Variants in TCEA3 observed in about 807,000 individuals in gnomAD.
TCEA3 encodes transcription elongation factor A3.
In TCEA3, 36 loss-of-function variants were observed where a neutral mutation model predicts 44.0. That is an observed-to-expected ratio of 0.82 (90% CI 0.63 to 1.08). TCEA3 has a LOEUF of 1.08. TCEA3 is among the 50% of genes least tolerant of loss of function. TCEA3 has a pLI of 0.00. For synonymous variants in TCEA3, 162 were observed against 159.7 expected (o/e 1.01, Z -0.11); for missense variants, 392 against 441.2 (o/e 0.89, Z 1.00).
At chr1:23,398,363 C>T (rs1046104745) in intron 5 of TCEA3, among the ~76,000 whole-genome samples, 1 of 152,218 alleles carries the variant, frequency 6.6e-6, no homozygotes, top group African/African-American at 2.4e-5. Flanking sequence ...GCTAGCTGCT[C>T]TCTATCTATG....
At position 23,424,580 on chromosome 1, in the gene TCEA3, C is replaced by T. The variant is rs1415066318; in HGVS notation, c.54G>A (p.Val18=). ...GCAGCCTCACCGTGTTCTTCCTGGCCACCATCTTCTCCAGCTTTTTGGCGA... is the reference window on the plus strand; with the variant it reads ...GCAGCCTCACCGTGTTCTTCCTGGCTACCATCTTCTCCAGCTTTTTGGCGA... The part of the protein sequence containing the change: ...LRIAKKLEKM[V]ARKNTEGALD... The change falls in exon 1 of 11, where the codon GTG becomes GTA. Residue 18 remains valine (V), a synonymous_variant. Coordinates refer to ENST00000450454, the MANE Select transcript of TCEA3 (RefSeq NM_003196.3). The T allele has an allele frequency of 6.2e-7, 1 of 1,608,436 alleles. No homozygotes were observed. Among genetic ancestry groups the T allele is most frequent in the Non-Finnish European group, 8.5e-7 (1 of 1,178,996 alleles).
At chr1:23,421,637 C>G (rs1186829002) in intron 1 of TCEA3, among the ~76,000 whole-genome samples, 1 of 152,184 alleles carries the variant, frequency 6.6e-6, no homozygotes, top group Non-Finnish European at 1.5e-5. Flanking sequence ...ACTACCATAC[C>G]ATTATATAAT....
intron 5 of TCEA3, among the ~76,000 whole-genome samples, chr1:23,398,786 GTC>G (rs372941226): frequency 4.6e-4 from 68 of 148,698 alleles, no homozygotes; most frequent in Non-Finnish European, 4.3e-4. Flanking sequence ...TTGAGACAGG[GTC>G]TCTCTCTCTC....
chr1:23,406,946 G>A (rs1196876079), intron 5 of TCEA3, among the ~76,000 whole-genome samples: 3 of 152,126 alleles, frequency 2.0e-5, no homozygotes, highest in African/African-American at 7.2e-5. Flanking sequence ...TATATTTCCA[G>A]CTGAGACTTT....
chr1:23,399,181 C>CATATATATATATATATATAT (rs1176641371), intron 5 of TCEA3, among the ~76,000 whole-genome samples: 1 of 61,016 alleles, frequency 1.6e-5, no homozygotes, highest in Non-Finnish European at 3.9e-5. Flanking sequence ...TATATATATC[C>CATATATATATATATATATAT]ATATGTGCAC....
intron 5 of TCEA3, chr1:23,403,827 G>A: frequency 2.2e-6 from 1 of 451,360 alleles, no homozygotes; most frequent in South Asian, 3.2e-5. Context: ...CACCTTCCTG[G>A]CAGGGCACAC....
chr1:23,382,570 T>C lies in TCEA3; in HGVS notation c.1039-1096A>G, dbSNP rs1040173502. Among the ~76,000 whole-genome samples, 9 of 152,234 alleles carry C rather than the reference T, an allele frequency of 5.9e-5. 1 individual carries two copies. The highest frequency in any genetic ancestry group is 1.9e-4 in the African/African-American group (8 of 41,458). ...GCTGAAACGTAGCCCCTGCTCTGTT[T>C]GCTCCGTACCCTGGCATGAGGCTGT... On this transcript the variant is annotated intron_variant, in intron 10 of 10. Coordinates refer to ENST00000450454, the MANE Select transcript of TCEA3 (RefSeq NM_003196.3).
At chr1:23,392,390 A>T (rs113947733) in intron 8 of TCEA3, among the ~76,000 whole-genome samples, 222 of 6,902 alleles carry the variant, frequency 0.032, no homozygotes, top group Middle Eastern at 0.1. Context: ...TCATACACAA[A>T]ACACACTCCA....
At chr1:23,389,372 C>T (rs1384173105) in intron 8 of TCEA3, among the ~76,000 whole-genome samples, 2 of 151,920 alleles carry the variant, frequency 1.3e-5, no homozygotes, top group Admixed American at 6.6e-5. Flanking sequence ...ACCTGTAATC[C>T]CAGCTACTTG....
chr1:23,385,526 G>T (rs557873137), intron 9 of TCEA3, among the ~76,000 whole-genome samples: 1 of 152,220 alleles, frequency 6.6e-6, no homozygotes, highest in Non-Finnish European at 1.5e-5. Context: ...ATTCTCCAAG[G>T]GACTCCTCCG....
At chr1:23,404,551 G>T (rs1052453782) in intron 5 of TCEA3, among the ~76,000 whole-genome samples, 2 of 152,070 alleles carry the variant, frequency 1.3e-5, no homozygotes, top group African/African-American at 4.8e-5. Context: ...GAAGGGAGAG[G>T]TGATGAGTTT....
At chr1:23,414,752 T>C (rs1166599198) in intron 4 of TCEA3, among the ~76,000 whole-genome samples, 3 of 152,220 alleles carry the variant, frequency 2.0e-5, no homozygotes, top group Admixed American at 2.0e-4. Context: ...AGCAAGTAAT[T>C]ATCTGTATTA....
chr1:23,399,966 G>C (rs1460591006), intron 5 of TCEA3, among the ~76,000 whole-genome samples: 1 of 152,172 alleles, frequency 6.6e-6, no homozygotes, highest in African/African-American at 2.4e-5. Flanking sequence ...ATGAGCTACT[G>C]TGCCCGGCCA....
At chr1:23,412,538 A>G (rs1208533623) in intron 4 of TCEA3, among the ~76,000 whole-genome samples, 1 of 151,956 alleles carries the variant, frequency 6.6e-6, no homozygotes, top group Non-Finnish European at 1.5e-5. Context: ...CCCCTTCTCT[A>G]CTAAAAAAAA....
In TCEA3 at chr1:23,417,341, T is replaced by C. The variant is rs749197404; in HGVS notation, c.288A>G (p.Ala96=). The change falls in exon 4 of 11, where the codon GCA becomes GCG. Residue 96 remains alanine, a synonymous_variant. Transcript: ENST00000450454. ...ACTCAAGCCCTTTTTCCTTCTTCTT[T>C]GCCTTTTCTCTTTCCTCTCCTTTTT... ...KGEKGEEREK[A]KKKEKGLECS... The C allele has an allele frequency of 1.2e-6, 2 of 1,614,068 alleles. No individual in the cohort carries two copies. Among genetic ancestry groups the C allele is most frequent in the South Asian group, 1.1e-5 (1 of 91,086 alleles).
intron 2 of TCEA3, among the ~76,000 whole-genome samples, chr1:23,418,780 T>G (rs1368333577): frequency 6.6e-6 from 1 of 152,026 alleles, no homozygotes; most frequent in African/African-American, 2.4e-5. Flanking sequence ...CCTGGATCAT[T>G]GGCCTCTTGG....
At position 23,397,549 on chromosome 1, in the gene TCEA3, T is replaced by C. The variant is rs1317518634; in HGVS notation, c.660A>G (p.Glu220=). 6.2e-7 allele frequency: 1 copy of C among 1,613,814 alleles called. No homozygotes were observed. The highest frequency in any genetic ancestry group is 8.5e-7 in the Non-Finnish European group (1 of 1,179,834). The change falls in exon 7 of 11, where the codon GAA becomes GAG. Residue 220 remains glutamate, a synonymous_variant. Coordinates refer to ENST00000450454, the MANE Select transcript of TCEA3 (RefSeq NM_003196.3). ...CCCGGCACAGTTCAAGGATATGATC[T>C]TCGATTTCTGATGCCATCTTGTCAC... is the stretch of plus-strand genomic sequence containing the variant. ...VNCDKMASEI[E]DHIYQELKST... is the part of the protein sequence containing the mutation.
chr1:23,400,642 T>C (rs755280441), intron 5 of TCEA3, among the ~76,000 whole-genome samples: 2 of 151,980 alleles, frequency 1.3e-5, no homozygotes, highest in Non-Finnish European at 2.9e-5. Flanking sequence ...CAATAACCCA[T>C]CAGAATCTGC....
At chr1:23,399,574 G>A (rs1639336733) in intron 5 of TCEA3, among the ~76,000 whole-genome samples, 1 of 152,040 alleles carries the variant, frequency 6.6e-6, no homozygotes, top group Non-Finnish European at 1.5e-5. Context: ...TCTCTCTGAG[G>A]TGGAATGATA....
Sources: gnomAD v4.1 joint callset for allele counts (sites outside exome capture counted in the v4.1 genomes callset) on GRCh38, gnomAD v4.1.1 for gene constraint, MANE v1.5 for transcripts, NCBI Gene and HGNC (gene_info 2026-07-23, HGNC 2026-07-21) for gene names.